Variants in NME7 observed in about 807,000 individuals in gnomAD.
NME7 encodes the protein NME/NM23 family member 7.
NME7 carries 41 observed loss-of-function variants against 49.1 expected under a neutral mutation model. The ratio of observed to expected loss-of-function variants is 0.83; its 90% confidence interval spans 0.65 to 1.08. The LOEUF is 1.08. Ranked by LOEUF, NME7 falls within the 50% of genes least tolerant of loss-of-function variation. NME7 has a pLI of 0.00. For synonymous variants in NME7, 139 were observed against 150.6 expected, an observed-to-expected ratio of 0.92 and a Z score of 0.56; for missense variants, 423 against 463.4, an observed-to-expected ratio of 0.91 and a Z score of 0.80.
At chr1:169,250,695 G>C (rs113067864) in intron 7 of NME7, among the ~76,000 whole-genome samples, 1,859 of 152,094 alleles carry the variant, frequency 0.012, 48 homozygotes, top group African/African-American at 0.042. Context: ...TCCTTTCAAA[G>C]AATTTTTAAA....
chr1:169,323,251 C>T lies in NME7; in HGVS notation c.144G>A (p.Lys48=). The T allele has an allele frequency of 6.2e-7, 1 of 1,600,904 alleles. No homozygotes were observed. Among genetic ancestry groups the T allele is most frequent in the East Asian group, 2.3e-5 (1 of 44,260 alleles). The change falls in exon 3 of 12, where the codon AAG becomes AAA. Residue 48 remains lysine, a synonymous_variant. Coordinates refer to ENST00000367811, the MANE Select transcript of NME7 (RefSeq NM_013330.5). ...HDVKNHRTFL[K]RTKYDNLHLE... ...AGTGCAGGTTATCATATTTGGTCCGCTTTAAAAAGGTGCGATGATTCTTTA... is the reference window on the plus strand; with the variant it reads ...AGTGCAGGTTATCATATTTGGTCCGTTTTAAAAAGGTGCGATGATTCTTTA...
intron 1 of NME7, among the ~76,000 whole-genome samples, chr1:169,346,837 T>C (rs753199440): frequency 2.6e-5 from 4 of 152,160 alleles, no homozygotes; most frequent in South Asian, 2.1e-4. Context: ...CTATCATCAA[T>C]TGAAATATTA....
At chr1:169,201,809 C>G (rs1262098077) in intron 10 of NME7, among the ~76,000 whole-genome samples, 1 of 152,100 alleles carries the variant, frequency 6.6e-6, no homozygotes, top group East Asian at 1.9e-4. Flanking sequence ...TGTTCTTAGA[C>G]TGGAAACAAG....
At chr1:169,290,484 C>T (rs912729347) in intron 6 of NME7, among the ~76,000 whole-genome samples, 9 of 151,964 alleles carry the variant, frequency 5.9e-5, no homozygotes, top group Non-Finnish European at 1.0e-4. Flanking sequence ...GAAACTGGAC[C>T]CCTTCCTTTC....
intron 10 of NME7, among the ~76,000 whole-genome samples, chr1:169,204,225 G>T (rs775059804): frequency 6.6e-6 from 1 of 151,382 alleles, no homozygotes; most frequent in Non-Finnish European, 1.5e-5. Flanking sequence ...AGTCAGTAGG[G>T]AGCTTGGGAT....
intron 5 of NME7, among the ~76,000 whole-genome samples, chr1:169,299,465 T>C (rs1650846818): frequency 6.6e-6 from 1 of 152,174 alleles, no homozygotes; most frequent in Non-Finnish European, 1.5e-5. Context: ...GTGTACAGGA[T>C]GCAATGACAA....
rs192599074 is a variant in NME7 at position 169,219,562 on chromosome 1, T to C, written c.990+11156A>G. Among the ~76,000 whole-genome samples the C allele has an allele frequency of 2.6e-3, 323 of 125,928 alleles. 2 individuals carry two copies. The highest frequency in any genetic ancestry group is 8.1e-3 in the Middle Eastern group (2 of 246). The allele number at this position is 125,928 out of a possible 152,430, so 82.6% of individuals were successfully genotyped here. The stretch of plus-strand genomic sequence containing the variant: ...CTTCTCACTAAGATAACCTTTATCA[T>C]ATCTTATAATTATTATGACTTGAGA... On this transcript the variant is annotated intron_variant, in intron 10 of 11. Coordinates refer to ENST00000367811, the MANE Select transcript of NME7 (RefSeq NM_013330.5).
chr1:169,171,766 A>C (rs1000776252), intron 10 of NME7, among the ~76,000 whole-genome samples: 4 of 152,144 alleles, frequency 2.6e-5, no homozygotes, highest in South Asian at 2.1e-4. Flanking sequence ...TCCATCTCAA[A>C]AACAACAACA....
At chr1:169,211,037 A>T (rs1660802460) in intron 10 of NME7, among the ~76,000 whole-genome samples, 1 of 151,740 alleles carries the variant, frequency 6.6e-6, no homozygotes. Flanking sequence ...TCAGCTCCAG[A>T]TCATTAGTTC....
chr1:169,362,250 T>C (rs1202422605), intron 1 of NME7, among the ~76,000 whole-genome samples: 7 of 152,316 alleles, frequency 4.6e-5, no homozygotes, highest in Admixed American at 4.6e-4. Flanking sequence ...CTTTGAGACA[T>C]TTTACTTCAA....
At chr1:169,191,529 T>C (rs1319422266) in intron 10 of NME7, among the ~76,000 whole-genome samples, 2 of 152,116 alleles carry the variant, frequency 1.3e-5, no homozygotes, top group Non-Finnish European at 2.9e-5. Flanking sequence ...TTAGAAAAAG[T>C]TTGTATTATT....
intron 10 of NME7, among the ~76,000 whole-genome samples, chr1:169,217,615 T>C (rs369276639): frequency 6.6e-6 from 1 of 152,318 alleles, no homozygotes; most frequent in East Asian, 1.9e-4. Context: ...ATCTGTTCTA[T>C]TTGCAGCCCC....
chr1:169,141,079 C>T (rs533759151), intron 11 of NME7, among the ~76,000 whole-genome samples: 1 of 152,120 alleles, frequency 6.6e-6, no homozygotes, highest in Admixed American at 6.5e-5. Context: ...AGAGGAATGA[C>T]AAACTGAAAT....
intron 1 of NME7, among the ~76,000 whole-genome samples, chr1:169,327,166 A>T (rs1263878235): frequency 6.6e-6 from 1 of 152,238 alleles, no homozygotes; most frequent in Admixed American, 6.5e-5. Flanking sequence ...CTTTAGTAGC[A>T]CATAGATACA....
At chr1:169,339,476 C>A (rs12046139) in intron 1 of NME7, among the ~76,000 whole-genome samples, 15,641 of 152,082 alleles carry the variant, frequency 0.1, 853 homozygotes, top group Admixed American at 0.12. Context: ...ACTCAATGTT[C>A]AGATAGAAAA....
At chr1:169,347,874 T>G (rs1044197239) in intron 1 of NME7, among the ~76,000 whole-genome samples, 2 of 152,182 alleles carry the variant, frequency 1.3e-5, no homozygotes, top group African/African-American at 4.8e-5. Context: ...TAGAGAAAAG[T>G]AGCTCTATGC....
intron 10 of NME7, among the ~76,000 whole-genome samples, chr1:169,208,889 T>A (rs1660743257): frequency 6.6e-6 from 1 of 151,996 alleles, no homozygotes; most frequent in Non-Finnish European, 1.5e-5. Context: ...TTTGGAAAAA[T>A]ACATATATAT....
chr1:169,155,569 C>T lies in NME7; in HGVS notation c.1098+13878G>A, dbSNP rs77721671. On this transcript the variant is annotated intron_variant, in intron 11 of 11. Coordinates refer to ENST00000367811, the MANE Select transcript of NME7 (RefSeq NM_013330.5). ...TGGCATGCAATAGCAATAAAGTGAG[C>T]TTCAGGTAAAGCTGAATTTATTCAG... Among the ~76,000 whole-genome samples the T allele has an allele frequency of 6.9e-3, 1,051 of 152,242 alleles. 14 individuals carry two copies. Among genetic ancestry groups the T allele is most frequent in the African/African-American group, 0.024 (1,016 of 41,528 alleles).
At chr1:169,301,749 TA>T (rs1158284744) in intron 5 of NME7, among the ~76,000 whole-genome samples, 1 of 152,020 alleles carries the variant, frequency 6.6e-6, no homozygotes, top group African/African-American at 2.4e-5. Flanking sequence ...CATAAAAAAA[TA>T]AAATTATGTC....
Sources: allele counts gnomAD v4.1 joint callset (sites outside exome capture counted in the v4.1 genomes callset), GRCh38; gene constraint gnomAD v4.1.1; transcripts MANE v1.5; gene names NCBI Gene and HGNC (gene_info 2026-07-23, HGNC 2026-07-21).